The following FAM13A variants were observed in gnomAD, a reference collection of about 807,000 sequenced individuals.
FAM13A encodes protein FAM13A.
Under a neutral mutation model 129.6 loss-of-function variants are expected in FAM13A, and 76 were observed. The ratio of observed to expected loss-of-function variants is 0.59; its 90% CI spans 0.49 to 0.71. The LOEUF is 0.71. Ranked by LOEUF, FAM13A falls within the 30% of genes least tolerant of loss-of-function variation. The pLI is 0.00. For missense variants in FAM13A, 1,108 were observed against 1,249.3 expected (o/e 0.89, Z 1.70); for synonymous variants, 443 against 449.9 (o/e 0.98, Z 0.20).
chr4:88,825,258 CAG>C (rs1351288985), intron 7 of FAM13A, among the ~76,000 whole-genome samples: 1 of 151,738 alleles, frequency 6.6e-6, no homozygotes, highest in Non-Finnish European at 1.5e-5. Flanking sequence ...CTCTGTCACC[CAG>C]GCTGGAGTGC....
At chr4:88,734,756 C>T (rs983492368) in intron 21 of FAM13A, among the ~76,000 whole-genome samples, 1 of 152,234 alleles carries the variant, frequency 6.6e-6, no homozygotes, top group Non-Finnish European at 1.5e-5. Context: ...CCACAAAGCA[C>T]AGGGCAGTGC....
intron 5 of FAM13A, among the ~76,000 whole-genome samples, chr4:88,926,649 A>G (rs979327649): frequency 6.6e-6 from 1 of 152,224 alleles, no homozygotes; most frequent in Non-Finnish European, 1.5e-5. Context: ...TAATCGCTCT[A>G]TAAAACAAAA....
At chr4:88,804,507 T>C (rs1014771764) in intron 8 of FAM13A, among the ~76,000 whole-genome samples, 12 of 152,134 alleles carry the variant, frequency 7.9e-5, no homozygotes, top group African/African-American at 2.9e-4. Flanking sequence ...TTGAATTCTG[T>C]TAATTTACCT....
At chr4:88,794,885 G>C (rs979299447) in intron 8 of FAM13A, among the ~76,000 whole-genome samples, 1 of 151,562 alleles carries the variant, frequency 6.6e-6, no homozygotes, top group Admixed American at 6.6e-5. Context: ...CTTAAAATAC[G>C]ATAAGTTGAT....
chr4:88,752,231 C>T (rs972879815), intron 14 of FAM13A, among the ~76,000 whole-genome samples: 5 of 152,108 alleles, frequency 3.3e-5, no homozygotes, highest in East Asian at 1.9e-4. Context: ...GGTTTGAGAA[C>T]GATTGATCCA....
intron 10 of FAM13A, among the ~76,000 whole-genome samples, chr4:88,783,379 A>T (rs2149631668): frequency 6.6e-6 from 1 of 152,186 alleles, no homozygotes; most frequent in East Asian, 1.9e-4. Flanking sequence ...GGCTCACTGC[A>T]AACTCGACCT....
chr4:88,954,380 C>G (rs937901169), intron 4 of FAM13A, among the ~76,000 whole-genome samples: 3 of 152,154 alleles, frequency 2.0e-5, no homozygotes, highest in African/African-American at 7.2e-5. Flanking sequence ...GCCATCTATC[C>G]ATCCATAAAT....
intron 9 of FAM13A, among the ~76,000 whole-genome samples, chr4:88,788,890 C>A (rs1017454957): frequency 6.6e-6 from 1 of 152,026 alleles, no homozygotes; most frequent in Non-Finnish European, 1.5e-5. Context: ...GTTTTATAAT[C>A]GACTCATAGT....
Position 88,781,339 on chromosome 4 carries a change from G to T in FAM13A, c.1284C>A (p.Asn428Lys). 1 of 1,600,774 alleles carries T rather than the reference G, an allele frequency of 6.2e-7. No individual in the cohort carries two copies. Among genetic ancestry groups the T allele is most frequent in the Non-Finnish European group, 8.5e-7 (1 of 1,173,958 alleles). Reference protein sequence around the residue: ...VRHGRDKGLINKENTPSGFNH... With the variant: ...VRHGRDKGLIKKENTPSGFNH... ...TGAACCCAGAAGGAGTATTTTCTTT[G>T]TTGATAAGTCCCCTTGAATTGAGAA... The change falls in exon 11 of 24, where the codon AAC becomes AAA. Residue 428 changes from asparagine (N) to lysine (K), a missense_variant. Asn to Lys is a moderately conservative substitution (Grantham distance 94). This residue lies in a region of FAM13A where 566 missense variants were observed against 595.7 expected (regional missense o/e 0.95). Transcript: ENST00000264344.
chr4:88,983,595 A>C (rs1761902201), intron 4 of FAM13A, among the ~76,000 whole-genome samples: 1 of 152,176 alleles, frequency 6.6e-6, no homozygotes, highest in Admixed American at 6.5e-5. Flanking sequence ...TTAACAAAAT[A>C]ATTGCAAAAC....
chr4:88,969,011 A>G (rs1759723519), intron 4 of FAM13A, among the ~76,000 whole-genome samples: 1 of 152,226 alleles, frequency 6.6e-6, no homozygotes, highest in Admixed American at 6.5e-5. Context: ...CAAAGAGGTC[A>G]TATCATTGAA....
At chr4:88,748,836 G>GA (rs1741932401) in intron 17 of FAM13A, 116 bp downstream of exon 17, 2 of 791,336 alleles carry the variant, frequency 2.5e-6, no homozygotes, top group East Asian at 4.9e-5. Context: ...GAGAGTGCTG[G>GA]GAAGCATCTT....
At chr4:88,944,327 G>C (rs1755274927) in intron 4 of FAM13A, among the ~76,000 whole-genome samples, 1 of 152,194 alleles carries the variant, frequency 6.6e-6, no homozygotes, top group Non-Finnish European at 1.5e-5. Context: ...ACTGCAGCCT[G>C]GGTGACAGAG....
rs534831393 is a variant in FAM13A at position 88,892,270 on chromosome 4, C to T, written c.843+14109G>A. ...TCTCGGCTCACTGCAAGCTCCACCT[C>T]CCGGGTTCACACCATTCTACTGCCT... On this transcript the variant is annotated intron_variant, in intron 6 of 23. Coordinates refer to ENST00000264344, the MANE Select transcript of FAM13A (RefSeq NM_014883.4). Among the ~76,000 whole-genome samples the T allele has an allele frequency of 4.1e-3, 623 of 151,216 alleles. 4 individuals carry two copies. The highest frequency in any genetic ancestry group is 5.4e-3 in the Non-Finnish European group (369 of 67,858).
intron 7 of FAM13A, among the ~76,000 whole-genome samples, chr4:88,835,223 G>A (rs1734614237): frequency 6.6e-6 from 1 of 152,074 alleles, no homozygotes; most frequent in African/African-American, 2.4e-5. Flanking sequence ...ACTAGTTTTT[G>A]TTTAGGTCTT....
intron 6 of FAM13A, among the ~76,000 whole-genome samples, chr4:88,894,981 T>A (rs1481648264): frequency 2.6e-5 from 4 of 152,230 alleles, no homozygotes; most frequent in Non-Finnish European, 5.9e-5. Context: ...AAAGTTATTC[T>A]TTATTAACAC....
At chr4:89,038,273 C>T (rs781363343) in intron 1 of FAM13A, among the ~76,000 whole-genome samples, 5 of 152,178 alleles carry the variant, frequency 3.3e-5, no homozygotes, top group African/African-American at 4.8e-5. Flanking sequence ...ATTTAAAGTA[C>T]TTTGAAAGAT....
At position 88,906,377 on chromosome 4, in the gene FAM13A, A is replaced by T; in HGVS notation, c.843+2T>A. The T allele has an allele frequency of 6.3e-7, 1 of 1,593,698 alleles. No individual in the cohort carries two copies. Among genetic ancestry groups the T allele is most frequent in the Non-Finnish European group, 8.6e-7 (1 of 1,163,036 alleles). On this transcript the variant is annotated splice_donor_variant, in intron 6 of 23. Coordinates refer to ENST00000264344, the MANE Select transcript of FAM13A (RefSeq NM_014883.4). LOFTEE classifies it high-confidence loss of function. ...GTCGCCTACAGAGAAAACATAGTTT[A>T]CCTTGGTTTTTGGAGGTGGTTTTGG... is the stretch of plus-strand genomic sequence containing the variant.
chr4:88,992,484 T>G (rs1763039984), intron 3 of FAM13A, among the ~76,000 whole-genome samples: 1 of 152,122 alleles, frequency 6.6e-6, no homozygotes, highest in African/African-American at 2.4e-5. Flanking sequence ...TTGGCCAGGC[T>G]GGGGCCTCCC....
Sources: gnomAD v4.1 joint callset for allele counts (sites outside exome capture counted in the v4.1 genomes callset) on GRCh38, gnomAD v4.1.1 for gene constraint, gnomAD v4.1.1 regional missense constraint, MANE v1.5 for transcripts, NCBI Gene and HGNC (gene_info 2026-07-23, HGNC 2026-07-21) for gene names.